SLC9A9: variants seen among roughly 807,000 people sequenced by gnomAD.
SLC9A9 encodes the protein sodium/hydrogen exchanger 9.
A neutral mutation model predicts 77.8 loss-of-function variants in SLC9A9; 62 were observed. That is an observed-to-expected ratio of 0.80 (90% confidence interval 0.65 to 0.98). The LOEUF (loss-of-function observed/expected upper bound fraction) is 0.98. Among genes scored for constraint, SLC9A9 ranks in the 50% least tolerant of loss-of-function variants. SLC9A9 has a pLI of 0.00. For missense variants in SLC9A9, 775 were observed against 774.9 expected (o/e 1.00, Z 0.00); for synonymous variants, 320 against 283.5 (o/e 1.13, Z -1.29).
At chr3:143,584,930 C>A (rs1330709030) in intron 6 of SLC9A9, among the ~76,000 whole-genome samples, 1 of 152,220 alleles carries the variant, frequency 6.6e-6, no homozygotes, top group African/African-American at 2.4e-5. Context: ...CTCCTCACAC[C>A]TGGTGCCAGT....
intron 9 of SLC9A9, among the ~76,000 whole-genome samples, chr3:143,507,874 C>T (rs1202485428): frequency 6.6e-6 from 1 of 152,176 alleles, no homozygotes; most frequent in Non-Finnish European, 1.5e-5. Flanking sequence ...GTTGTATCTT[C>T]ATATGCTGGA....
chr3:143,504,451 A>G (rs1293740744), intron 9 of SLC9A9, among the ~76,000 whole-genome samples: 3 of 152,188 alleles, frequency 2.0e-5, no homozygotes, highest in African/African-American at 7.2e-5. Flanking sequence ...GAGATGAATT[A>G]TAATAATGAC....
intron 4 of SLC9A9, among the ~76,000 whole-genome samples, chr3:143,753,997 C>A (rs2006839658): frequency 1.7e-5 from 2 of 119,984 alleles, no homozygotes; most frequent in South Asian, 2.8e-4. Flanking sequence ...GTCTGGACAT[C>A]TCAGGATTTC....
At chr3:143,641,362 A>C (rs917190210) in intron 6 of SLC9A9, among the ~76,000 whole-genome samples, 1 of 150,046 alleles carries the variant, frequency 6.7e-6, no homozygotes, top group Admixed American at 6.7e-5. Context: ...ACCAAATTAA[A>C]AAGAATTATC....
At chr3:143,594,921 T>G (rs1011769193) in intron 6 of SLC9A9, among the ~76,000 whole-genome samples, 7 of 152,242 alleles carry the variant, frequency 4.6e-5, no homozygotes, top group Admixed American at 1.3e-4. Flanking sequence ...AAGTAGTATA[T>G]CTGTCCTTGG....
chr3:143,756,652 T>A (rs917548535), intron 4 of SLC9A9, among the ~76,000 whole-genome samples: 1 of 152,214 alleles, frequency 6.6e-6, no homozygotes. Context: ...TCTATTTTTA[T>A]AGGAATAAAT....
chr3:143,679,461 A>G (rs189594350), intron 5 of SLC9A9, among the ~76,000 whole-genome samples: 3 of 152,298 alleles, frequency 2.0e-5, no homozygotes, highest in East Asian at 3.9e-4. Context: ...GGCACTATTG[A>G]TATTTTAGAC....
chr3:143,482,746 A>G lies in SLC9A9; in HGVS notation c.1315+10907T>C, dbSNP rs1321898338. Among the ~76,000 whole-genome samples the G allele has an allele frequency of 2.0e-5, 3 of 152,376 alleles. No individual in the cohort carries two copies. The East Asian group carries it at 5.8e-4, about 29-fold the overall frequency. Reference sequence around the variant, plus strand: ...GCAGCACATAGATTTGAGTTAAAACAAGTGGACTGATCTTTGTAATATGCA... The same window carrying G: ...GCAGCACATAGATTTGAGTTAAAACGAGTGGACTGATCTTTGTAATATGCA... On this transcript the variant is annotated intron_variant, in intron 11 of 15. Transcript: ENST00000316549.
Position 143,459,087 on chromosome 3 carries a change from A to G in SLC9A9, c.1469+7950T>C, listed in dbSNP as rs537695638. On this transcript the variant is annotated intron_variant, in intron 12 of 15. Transcript: ENST00000316549. ...TTGCATTTTCCATTCTAAATTTTTT[A>G]TTTATTTATGTATCTTCTATTTCTC... is the stretch of plus-strand genomic sequence containing the variant. 2.1e-4 allele frequency among the ~76,000 whole-genome samples: 31 copies of G among 150,348 alleles called. No homozygotes were observed. In the East Asian group the frequency reaches 6.1e-3, roughly 30 times the overall value.
chr3:143,693,265 G>A lies in SLC9A9; in HGVS notation c.576C>T (p.Gly192=). 1 of 1,613,246 alleles carries A rather than the reference G, an allele frequency of 6.2e-7. No homozygotes were observed. Among genetic ancestry groups the A allele is most frequent in the South Asian group, 1.1e-5 (1 of 91,052 alleles). The part of the protein sequence containing the change: ...YGFVKAMIHA[G]QLKNGDFHFT... ...AATGAAAGTCTCCATTTTTCAGCTG[G>A]CCAGCATGTATCATAGCCTTCACAA... The change falls in exon 5 of 16, where the codon GGC becomes GGT. Residue 192 remains glycine (G), a synonymous_variant. Coordinates refer to ENST00000316549, the MANE Select transcript of SLC9A9 (RefSeq NM_173653.4).
At chr3:143,804,509 A>T (rs1197042510) in intron 2 of SLC9A9, among the ~76,000 whole-genome samples, 2 of 152,092 alleles carry the variant, frequency 1.3e-5, no homozygotes, top group Non-Finnish European at 2.9e-5. Flanking sequence ...TGGGTACAAG[A>T]CACCCCTTTC....
At chr3:143,348,008 A>G (rs1422904556) in intron 14 of SLC9A9, among the ~76,000 whole-genome samples, 1 of 146,750 alleles carries the variant, frequency 6.8e-6, no homozygotes, top group African/African-American at 2.6e-5. Context: ...ATAAGAAGTT[A>G]AGCAGTAATT....
intron 1 of SLC9A9, among the ~76,000 whole-genome samples, chr3:143,833,502 A>C (rs2009491274): frequency 6.6e-6 from 1 of 152,188 alleles, no homozygotes; most frequent in Admixed American, 6.5e-5. Context: ...TAAATCTTAA[A>C]AGGTCACATA....
intron 4 of SLC9A9, among the ~76,000 whole-genome samples, chr3:143,748,168 T>C (rs565126255): frequency 3.3e-5 from 5 of 152,238 alleles, no homozygotes; most frequent in Non-Finnish European, 7.3e-5. Context: ...GACAGATGTA[T>C]AGAACATGTT....
At chr3:143,812,576 A>G (rs2008897237) in intron 2 of SLC9A9, among the ~76,000 whole-genome samples, 1 of 152,214 alleles carries the variant, frequency 6.6e-6, no homozygotes, top group African/African-American at 2.4e-5. Context: ...CATGTAGACT[A>G]CATTTCCTTG....
At chr3:143,571,870 A>C (rs1247970395) in intron 8 of SLC9A9, among the ~76,000 whole-genome samples, 1 of 152,242 alleles carries the variant, frequency 6.6e-6, no homozygotes, top group Non-Finnish European at 1.5e-5. Flanking sequence ...GCAAGGATTA[A>C]ATAATAAACA....
intron 5 of SLC9A9, among the ~76,000 whole-genome samples, chr3:143,662,921 G>A (rs1054096285): frequency 8.6e-5 from 13 of 152,032 alleles, no homozygotes; most frequent in East Asian, 3.9e-4. Context: ...AGACTTAAAC[G>A]TCCCTGCCTG....
chr3:143,829,885 A>C (rs987510684), intron 2 of SLC9A9, among the ~76,000 whole-genome samples: 11 of 152,180 alleles, frequency 7.2e-5, no homozygotes, highest in Admixed American at 5.2e-4. Flanking sequence ...ACATTAAAAC[A>C]ATCCTGCAGA....
rs760873482 is a variant in SLC9A9, at chr3:143,832,179, G to A, written c.218C>T (p.Thr73Ile). 8.1e-6 allele frequency: 13 copies of A among 1,612,706 alleles called. No individual in the cohort carries two copies. The South Asian group carries it at 1.4e-4, about 18-fold the overall frequency. The part of the protein sequence containing the change: ...GLILRYATAP[T>I]DIESGTVYDC... ...ATAGACAGTTCCACTTTCAATATCA[G>A]TTGGTGCTGTAGCATATCGTAAAAT... The change falls in exon 2 of 16, where the codon ACT becomes ATT. Residue 73 changes from threonine to isoleucine, a missense_variant. Transcript: ENST00000316549.
Sources: allele counts gnomAD v4.1 joint callset (sites outside exome capture counted in the v4.1 genomes callset), GRCh38; gene constraint gnomAD v4.1.1; transcripts MANE v1.5; gene names NCBI Gene and HGNC (gene_info 2026-07-23, HGNC 2026-07-21).